The following CNTNAP5 variants were observed in gnomAD, a reference collection of about 807,000 sequenced individuals.
CNTNAP5 encodes contactin-associated protein-like 5.
A neutral mutation model predicts 150.2 loss-of-function variants in CNTNAP5; 72 were observed. The ratio of observed to expected loss-of-function variants is 0.48; its 90% confidence interval spans 0.40 to 0.58. The LOEUF (loss-of-function observed/expected upper bound fraction) is 0.58, where lower values mean the gene tolerates loss of function less well. CNTNAP5 is among the 20% of genes least tolerant of loss of function. The pLI is 0.00. For synonymous variants in CNTNAP5, 672 were observed against 619.8 expected (o/e 1.08, Z -1.25); for missense variants, 1,636 against 1,626.2 (o/e 1.01, Z -0.10).
intron 21 of CNTNAP5, among the ~76,000 whole-genome samples, chr2:124,882,965 C>A (rs1219679465): frequency 2.0e-5 from 3 of 151,852 alleles, no homozygotes; most frequent in Non-Finnish European, 4.4e-5. Context: ...CTCCATGATT[C>A]AATTCTCTCC....
Position 124,647,901 on chromosome 2 carries a change from C to T in CNTNAP5, c.2020C>T (p.His674Tyr). The T allele has an allele frequency of 6.2e-7, 1 of 1,610,938 alleles. No individual in the cohort carries two copies. ...GGAGGCCGTGATCGACGGCTCTGAG[C>T]ACTGTGAGCAGGAGGTGGCCTACCA... ...QLEAVIDGSE[H>Y]CEQEVAYHCR... Residue 674 changes from histidine to tyrosine, a missense_variant, in exon 13 of 24, where the codon CAC becomes TAC. His to Tyr is a moderately conservative substitution (Grantham distance 83). Transcript: ENST00000682447.
intron 4 of CNTNAP5, among the ~76,000 whole-genome samples, chr2:124,419,896 TTTTCTTTC>T (rs776205045): frequency 0.013 from 1,107 of 85,176 alleles, 21 homozygotes; most frequent in African/African-American, 0.028. Context: ...ACTGGATTGG[TTTTCTTTC>T]TTTCTTTCTT....
chr2:124,903,098 C>T lies in CNTNAP5; in HGVS notation c.3653C>T (p.Ser1218Leu). The change falls in exon 22 of 24, where the codon TCA becomes TTA. Residue 1218 changes from serine (S) to leucine (L), a missense_variant and splice_region_variant. Physicochemically the swap from Ser to Leu is moderately radical, Grantham distance 145. Transcript: ENST00000682447. ...VNAVTTVHSS[S>L]DPFGKTDERE... ...GCAGTGACCACGGTGCATTCTTCAT[C>T]AGGTACACTCAAGAGCATGCACAAG... 3 of 1,549,760 alleles carry T rather than the reference C, an allele frequency of 1.9e-6. No individual in the cohort carries two copies. The highest frequency in any genetic ancestry group is 2.6e-6 in the Non-Finnish European group (3 of 1,141,300).
chr2:124,809,074 A>G, intron 19 of CNTNAP5, among the ~76,000 whole-genome samples: 1 of 151,974 alleles, frequency 6.6e-6, no homozygotes, highest in Admixed American at 6.6e-5. Flanking sequence ...AATTATAGAA[A>G]TGTCCCCTCA....
At chr2:124,246,293 T>A (rs1335513333) in intron 3 of CNTNAP5, among the ~76,000 whole-genome samples, 2 of 152,168 alleles carry the variant, frequency 1.3e-5, no homozygotes, top group Non-Finnish European at 2.9e-5. Flanking sequence ...AAAATCCAAT[T>A]TGGAGAGTTT....
At chr2:124,401,902 T>G (rs1429916033) in intron 3 of CNTNAP5, among the ~76,000 whole-genome samples, 1 of 151,908 alleles carries the variant, frequency 6.6e-6, no homozygotes, top group Non-Finnish European at 1.5e-5. Flanking sequence ...AACACTGGAG[T>G]CTCCAGTGGG....
chr2:124,486,150 G>A (rs929949676), intron 7 of CNTNAP5, among the ~76,000 whole-genome samples: 1 of 152,180 alleles, frequency 6.6e-6, no homozygotes, highest in Non-Finnish European at 1.5e-5. Flanking sequence ...ATGGCATGTG[G>A]AGAAACCTGG....
chr2:124,544,278 T>C (rs1366184708), intron 10 of CNTNAP5, among the ~76,000 whole-genome samples: 4 of 152,104 alleles, frequency 2.6e-5, no homozygotes, highest in Non-Finnish European at 5.9e-5. Context: ...TAAAAGTAGG[T>C]TGGTAAGAAG....
At chr2:124,442,415 G>A (rs890529482) in intron 5 of CNTNAP5, among the ~76,000 whole-genome samples, 3 of 152,228 alleles carry the variant, frequency 2.0e-5, no homozygotes, top group East Asian at 1.9e-4. Flanking sequence ...ATTTACTAGC[G>A]TTCTCCTGCC....
intron 19 of CNTNAP5, among the ~76,000 whole-genome samples, chr2:124,833,179 A>G (rs1682753082): frequency 6.6e-6 from 1 of 152,094 alleles, no homozygotes; most frequent in African/African-American, 2.4e-5. Context: ...CAAAGTGTTG[A>G]GATTGCAGGC....
chr2:124,155,519 A>C (rs1684506553), intron 1 of CNTNAP5, among the ~76,000 whole-genome samples: 1 of 152,014 alleles, frequency 6.6e-6, no homozygotes, highest in Non-Finnish European at 1.5e-5. Context: ...ACTTAAAGTA[A>C]ACCTGCTTTA....
intron 19 of CNTNAP5, among the ~76,000 whole-genome samples, chr2:124,834,126 G>A (rs908175081): frequency 1.3e-5 from 2 of 152,118 alleles, no homozygotes. Context: ...TCCACATCAT[G>A]AAATTGAGGA....
chr2:124,887,950 C>T (rs1678114752), intron 21 of CNTNAP5, among the ~76,000 whole-genome samples: 2 of 151,804 alleles, frequency 1.3e-5, no homozygotes, highest in Admixed American at 6.6e-5. Flanking sequence ...GTTTCTTTTT[C>T]TTTTTTAATA....
Position 124,772,806 on chromosome 2 carries a change from A to G in CNTNAP5, c.2541A>G (p.Ser847=). The change falls in exon 17 of 24, where the codon TCA becomes TCG. Residue 847 remains serine, a synonymous_variant. Transcript: ENST00000682447. ...TTTCCTTTCCGGTTTCAGCTCCTTC[A>G]GAGATCACCTTTGCCATCGATGTTG... ...DFIRLEISSP[S]EITFAIDVGN... The G allele has an allele frequency of 6.2e-7, 1 of 1,612,638 alleles. No individual in the cohort carries two copies. The highest frequency in any genetic ancestry group is 1.1e-5 in the South Asian group (1 of 91,052).
At chr2:124,227,476 G>C (rs1253210764) in intron 2 of CNTNAP5, among the ~76,000 whole-genome samples, 2 of 152,030 alleles carry the variant, frequency 1.3e-5, no homozygotes, top group African/African-American at 4.8e-5. Context: ...AAAAGAGTAG[G>C]TACTAAGATA....
At chr2:124,656,060 CA>C (rs35504704) in intron 13 of CNTNAP5, among the ~76,000 whole-genome samples, 69,920 of 123,028 alleles carry the variant, frequency 0.57, 18,754 homozygotes, top group Non-Finnish European at 0.64. Context: ...GACTTTATCT[CA>C]AAAAAAAAAA....
In CNTNAP5 at chr2:124,917,599, G is replaced by A. The variant is rs996631032; in HGVS notation, c.*3311G>A. 6.6e-6 allele frequency among the ~76,000 whole-genome samples: 1 copy of A among 152,040 alleles called. No individual in the cohort carries two copies. The highest frequency in any genetic ancestry group is 2.4e-5 in the African/African-American group (1 of 41,426). Reference sequence around the variant, plus strand: ...CCTCTCCTTAGTAATAACAGAGATGGTATTAACTTGACTTCTACCTTTTGT... The same window carrying A: ...CCTCTCCTTAGTAATAACAGAGATGATATTAACTTGACTTCTACCTTTTGT... On this transcript the variant is annotated 3_prime_UTR_variant, in exon 24 of 24. Coordinates refer to ENST00000682447, the MANE Select transcript of CNTNAP5 (RefSeq NM_001367498.1).
At chr2:124,878,237 T>C (rs1217452601) in intron 21 of CNTNAP5, among the ~76,000 whole-genome samples, 1 of 152,102 alleles carries the variant, frequency 6.6e-6, no homozygotes, top group East Asian at 1.9e-4. Flanking sequence ...TTCTTGTAAG[T>C]CAGGCTTTGG....
intron 6 of CNTNAP5, among the ~76,000 whole-genome samples, chr2:124,467,604 G>T (rs190374492): frequency 1.3e-5 from 2 of 152,260 alleles, no homozygotes; most frequent in African/African-American, 4.8e-5. Context: ...ATTAAGAGGT[G>T]TGTAGCCTAT....
Sources: gnomAD v4.1 joint callset for allele counts (sites outside exome capture counted in the v4.1 genomes callset) on GRCh38, gnomAD v4.1.1 for gene constraint, MANE v1.5 for transcripts, NCBI Gene and HGNC (gene_info 2026-07-23, HGNC 2026-07-21) for gene names.